The following PPFIBP2 variants were observed in gnomAD, a reference collection of about 807,000 sequenced individuals.
The protein encoded by PPFIBP2 is liprin-beta-2.
In PPFIBP2, 118 loss-of-function variants were observed where a neutral mutation model predicts 118.3. The ratio of observed to expected loss-of-function variants is 1.00; its 90% CI spans 0.86 to 1.16. The LOEUF (loss-of-function observed/expected upper bound fraction) is 1.16. PPFIBP2 is among the 50% of genes most tolerant of loss of function. PPFIBP2 has a pLI of 0.00. For missense variants in PPFIBP2, 1,195 were observed against 1,073.1 expected, an observed-to-expected ratio of 1.11 and a Z score of -1.59; for synonymous variants, 414 against 397.4, an observed-to-expected ratio of 1.04 and a Z score of -0.50.
chr11:7,615,021 G>A (rs958518422), intron 6 of PPFIBP2, among the ~76,000 whole-genome samples: 1 of 152,106 alleles, frequency 6.6e-6, no homozygotes, highest in African/African-American at 2.4e-5. Flanking sequence ...TTAGGAGGTG[G>A]GCCAGCCCTG....
At chr11:7,608,576 G>A (rs942963172) in intron 5 of PPFIBP2, among the ~76,000 whole-genome samples, 9 of 152,314 alleles carry the variant, frequency 5.9e-5, no homozygotes, top group Non-Finnish European at 4.4e-5. Context: ...GGAGGTGGAG[G>A]TTGTGGTGAG....
At chr11:7,571,263 C>A (rs894157550) in intron 3 of PPFIBP2, among the ~76,000 whole-genome samples, 5 of 152,274 alleles carry the variant, frequency 3.3e-5, no homozygotes, top group African/African-American at 7.2e-5. Context: ...CAGCCACCCC[C>A]CCTTCTCAGC....
intron 14 of PPFIBP2, among the ~76,000 whole-genome samples, chr11:7,637,844 C>T (rs1565102428): frequency 6.6e-6 from 1 of 152,200 alleles, no homozygotes; most frequent in Non-Finnish European, 1.5e-5. Context: ...GTCGGGGCTG[C>T]CTTTTAAACC....
intron 1 of PPFIBP2, among the ~76,000 whole-genome samples, chr11:7,545,477 G>GT (rs753792562): frequency 2.1e-4 from 32 of 152,172 alleles, no homozygotes; most frequent in Non-Finnish European, 3.2e-4. Flanking sequence ...TTCACATAAT[G>GT]TTTTTACAGT....
At chr11:7,580,022 C>G (rs1232719880) in intron 3 of PPFIBP2, among the ~76,000 whole-genome samples, 3 of 152,020 alleles carry the variant, frequency 2.0e-5, no homozygotes, top group African/African-American at 7.2e-5. Context: ...TGGACTCACC[C>G]TTAATCTGGA....
chr11:7,527,282 C>T (rs1335102447), intron 1 of PPFIBP2, among the ~76,000 whole-genome samples: 2 of 151,602 alleles, frequency 1.3e-5, no homozygotes, highest in Admixed American at 6.6e-5. Context: ...GGTTAGGCAA[C>T]GTGGATGTCT....
At chr11:7,570,168 CAT>C (rs1855497063) in intron 3 of PPFIBP2, among the ~76,000 whole-genome samples, 2 of 152,104 alleles carry the variant, frequency 1.3e-5, no homozygotes, top group African/African-American at 4.8e-5. Context: ...TGGTTAGTGG[CAT>C]AGATCTTTGG....
At chr11:7,541,116 G>T (rs1851732453) in intron 1 of PPFIBP2, among the ~76,000 whole-genome samples, 1 of 152,236 alleles carries the variant, frequency 6.6e-6, no homozygotes, top group African/African-American at 2.4e-5. Flanking sequence ...GGCTGTGTTT[G>T]CATTCCATCA....
Position 7,621,033 on chromosome 11 carries a change from C to T in PPFIBP2, c.711+6C>T, listed in dbSNP as rs376799754. On this transcript the variant is annotated splice_donor_region_variant and intron_variant, in intron 7 of 23. Transcript: ENST00000299492. ...GGAAGCTAAAGGCCACTAAGGTAAA[C>T]GGCACTCCTGATGCTTATGGAGAGA... 200 of 1,586,810 alleles carry T rather than the reference C, an allele frequency of 1.3e-4. 1 individual carries two copies. The highest frequency in any genetic ancestry group is 1.7e-4 in the Middle Eastern group (1 of 6,034).
chr11:7,546,418 G>A (rs1389584896), intron 1 of PPFIBP2, among the ~76,000 whole-genome samples: 1 of 152,220 alleles, frequency 6.6e-6, no homozygotes, highest in Non-Finnish European at 1.5e-5. Context: ...CCAGCTTGCT[G>A]TTTGCCAAGT....
At chr11:7,632,995 G>A (rs1233542798) in intron 12 of PPFIBP2, 61 bp downstream of exon 12, 39 of 1,462,084 alleles carry the variant, frequency 2.7e-5, no homozygotes, top group South Asian at 2.0e-4. Context: ...TGGGGCTGCC[G>A]AAGTAGATGG....
Position 7,572,250 on chromosome 11 carries a change from C to T in PPFIBP2, c.279+6483C>T, listed in dbSNP as rs911505676. ...ATTTCCTAGCCCACAGTTTATGTCA[C>T]GCCCTGCCCTAGAGAAGCTTCCTGT... On this transcript the variant is annotated intron_variant, in intron 3 of 23. Transcript: ENST00000299492. Among the ~76,000 whole-genome samples, 4 of 152,150 alleles carry T rather than the reference C, an allele frequency of 2.6e-5. No homozygotes were observed. The East Asian group carries it at 7.7e-4, about 29-fold the overall frequency.
intron 6 of PPFIBP2, among the ~76,000 whole-genome samples, chr11:7,611,964 C>T (rs962366449): frequency 2.0e-5 from 3 of 152,190 alleles, no homozygotes; most frequent in African/African-American, 7.2e-5. Context: ...TCAACCTGCA[C>T]AATTGTATGT....
intron 3 of PPFIBP2, among the ~76,000 whole-genome samples, chr11:7,573,650 G>T (rs1189992189): frequency 6.6e-6 from 1 of 152,210 alleles, no homozygotes; most frequent in Non-Finnish European, 1.5e-5. Context: ...TTCTGTGGAG[G>T]CTTGAGCTGC....
intron 7 of PPFIBP2, among the ~76,000 whole-genome samples, chr11:7,621,797 G>C (rs1329683896): frequency 6.6e-6 from 1 of 152,226 alleles, no homozygotes; most frequent in African/African-American, 2.4e-5. Flanking sequence ...TGTGTCTGCA[G>C]TGCCACCCAA....
intron 5 of PPFIBP2, chr11:7,605,768 A>T (rs1847265351): frequency 1.5e-6 from 2 of 1,373,610 alleles, no homozygotes; most frequent in Non-Finnish European, 1.9e-6. Context: ...AGCAAGTGGG[A>T]CAGATGAAAG....
Position 7,653,632 on chromosome 11 carries a change from G to A in PPFIBP2, c.*414G>A, listed in dbSNP as rs544297915. The A allele has an allele frequency of 7.7e-7, 1 of 1,294,512 alleles. No individual in the cohort carries two copies. Among genetic ancestry groups the A allele is most frequent in the African/African-American group, 1.5e-5 (1 of 66,218 alleles). 80.2% of individuals were successfully genotyped at this position (1,294,512 alleles called of 1,614,324 possible). ...AAGTGCCTTAGGCCCGTGGACCACA[G>A]TCTTGGCTGAGATCAAAGGGATGAG... On this transcript the variant is annotated 3_prime_UTR_variant, in exon 24 of 24. Coordinates refer to ENST00000299492, the MANE Select transcript of PPFIBP2 (RefSeq NM_003621.5).
intron 17 of PPFIBP2, among the ~76,000 whole-genome samples, chr11:7,645,180 G>T (rs1473770605): frequency 5.3e-5 from 8 of 152,022 alleles, no homozygotes; most frequent in African/African-American, 1.9e-4. Context: ...TGGAGGACTT[G>T]CTAAGGGGAA....
chr11:7,593,796 T>C (rs1355997736), intron 4 of PPFIBP2, among the ~76,000 whole-genome samples: 1 of 152,192 alleles, frequency 6.6e-6, no homozygotes, highest in Non-Finnish European at 1.5e-5. Context: ...AAGGGAGCTT[T>C]TTCGCTGTTG....
Sources: allele counts gnomAD v4.1 joint callset (sites outside exome capture counted in the v4.1 genomes callset), GRCh38; gene constraint gnomAD v4.1.1; transcripts MANE v1.5; gene names NCBI Gene and HGNC (gene_info 2026-07-23, HGNC 2026-07-21).